SLC27A3: variants seen among roughly 807,000 people sequenced by gnomAD.
SLC27A3 encodes long-chain fatty acid transport protein 3.
A neutral mutation model predicts 60.1 loss-of-function variants in SLC27A3; 60 were observed. The ratio of observed to expected loss-of-function variants is 1.00; its 90% CI spans 0.81 to 1.24. The LOEUF (loss-of-function observed/expected upper bound fraction) is 1.24. SLC27A3 is among the 50% of genes most tolerant of loss of function. The pLI is 0.00. For missense variants in SLC27A3, 1,079 were observed against 929.9 expected (o/e 1.16, Z -2.09); for synonymous variants, 455 against 409.0 (o/e 1.11, Z -1.36).
chr1:153,775,681 G>A lies in SLC27A3; in HGVS notation c.184G>A (p.Glu62Lys). The change falls in exon 1 of 10, where the codon GAG (glutamate) becomes AAG (lysine). Residue 62 changes from glutamate (E) to lysine (K), a missense_variant. Transcript: ENST00000624995. The part of the protein sequence containing the change: ...AAAAADPEGP[E>K]GGCSLAWRLA... ...GGCTGCCGCCGACCCGGAAGGTCCC[G>A]AGGGGGGCTGCAGCCTGGCCTGGCG... 7 of 1,534,890 alleles carry A rather than the reference G, an allele frequency of 4.6e-6. No individual in the cohort carries two copies. Among genetic ancestry groups the A allele is most frequent in the African/African-American group, 4.1e-5 (3 of 73,242 alleles).
In SLC27A3 at chr1:153,775,847, CCGACGGCGG is replaced by C; in HGVS notation, c.355_363del (p.Gly119_Asp121del). ...CGTGCGCTAGGCTGGGACTGGGGAC[CCGACGGCGG>C]CGACAGCGGCGAGGGGAGCGCTGGA... On this transcript the variant is annotated inframe_deletion, in exon 1 of 10. Transcript: ENST00000624995. 1 of 1,491,982 alleles carries C rather than the reference CCGACGGCGG, an allele frequency of 6.7e-7. No homozygotes were observed. Among genetic ancestry groups the C allele is most frequent in the Non-Finnish European group, 8.9e-7 (1 of 1,125,426 alleles). The allele number at this position is 1,491,982 out of a possible 1,614,324, so 92.4% of individuals were successfully genotyped here. A position where few individuals can be genotyped will look rare whatever the true frequency, so the allele number is the denominator to read the frequency against.
rs748543429 is a variant in SLC27A3 at position 153,778,701 on chromosome 1, C to T, written c.1462C>T (p.Leu488=). The change falls in exon 7 of 10, where the codon CTG becomes TTG. Residue 488 remains leucine, a synonymous_variant. Transcript: ENST00000624995. The part of the protein sequence containing the change: ...MATSPGEPGL[L]VAPVSQQSPF... Reference sequence around the variant, plus strand: ...GACTCTGCCAGGTGAGCCAGGGCTGCTGGTGGCCCCGGTAAGCCAGCAGTC... The same window carrying T: ...GACTCTGCCAGGTGAGCCAGGGCTGTTGGTGGCCCCGGTAAGCCAGCAGTC... 5 of 1,612,810 alleles carry T rather than the reference C, an allele frequency of 3.1e-6. No individual in the cohort carries two copies. The highest frequency in any genetic ancestry group is 3.4e-6 in the Non-Finnish European group (4 of 1,179,944).
chr1:153,779,780 G>A, intron 9 of SLC27A3, 46 bp from the exon 10 acceptor site: 2 of 1,576,530 alleles, frequency 1.3e-6, no homozygotes, highest in South Asian at 1.1e-5. Context: ...TGAACCACGT[G>A]GGCAGAGTCC....
In SLC27A3 at chr1:153,777,744, C is replaced by G. The variant is rs200175316; in HGVS notation, c.1037-17C>G. The G allele has an allele frequency of 2.4e-5, 39 of 1,611,052 alleles. No homozygotes were observed. The highest frequency in any genetic ancestry group is 3.3e-5 in the Non-Finnish European group (39 of 1,178,422). Reference sequence around the variant, plus strand: ...CTAATCTTACCTCCCTTCTTCCCCCCTGCCCACTTCTGGCAGGGGCCACAG... The same window carrying G: ...CTAATCTTACCTCCCTTCTTCCCCCGTGCCCACTTCTGGCAGGGGCCACAG... On this transcript the variant is annotated splice_polypyrimidine_tract_variant and intron_variant, in intron 3 of 9. Transcript: ENST00000624995.
At position 153,775,766 on chromosome 1, in the gene SLC27A3, G is replaced by A. The variant is rs139923577; in HGVS notation, c.269G>A (p.Arg90His). 7.4e-4 allele frequency: 1,110 copies of A among 1,506,048 alleles called. 5 individuals are homozygous for A. The African/African-American group carries it at 0.013, about 17-fold the overall frequency. 93.3% of individuals were successfully genotyped at this position (1,506,048 alleles called of 1,614,324 possible). The change falls in exon 1 of 10, where the codon CGC becomes CAC. Residue 90 changes from arginine (R) to histidine (H), a missense_variant. Coordinates refer to ENST00000624995, the MANE Select transcript of SLC27A3 (RefSeq NM_024330.4). ...AHTFLIHGSRRFSYSEAERES... is the reference protein window; with the variant it reads ...AHTFLIHGSRHFSYSEAERES... ...ACCTTTCTCATTCACGGCTCGCGGC[G>A]CTTTAGCTACTCAGAGGCGGAGCGC...
At position 153,777,362 on chromosome 1, in the gene SLC27A3, G is replaced by A. The variant is rs1673284203; in HGVS notation, c.1036+142G>A. 10 of 1,021,310 alleles carry A rather than the reference G, an allele frequency of 9.8e-6. No individual in the cohort carries two copies. In the South Asian group the frequency reaches 1.5e-4, roughly 16 times the overall value. The allele number at this position is 1,021,310 out of a possible 1,614,324, so 63.3% of individuals were successfully genotyped here. A position where few individuals can be genotyped will look rare whatever the true frequency, so the allele number is the denominator to read the frequency against. On this transcript the variant is annotated intron_variant, in intron 3 of 9. Coordinates refer to ENST00000624995, the MANE Select transcript of SLC27A3 (RefSeq NM_024330.4). The stretch of plus-strand genomic sequence containing the variant: ...CTCACCAGGAGCTCTGTACAATAGG[G>A]CAATGTCACCTGCCTAGACCTACAG...
rs1178060728 is a variant in SLC27A3, at chr1:153,778,236, G to T, written c.1237G>T (p.Val413Leu). The change falls in exon 5 of 10, where the codon GTG becomes TTG. Residue 413 changes from valine (V) to leucine (L), a missense_variant. Val to Leu is a conservative substitution (Grantham distance 32). Coordinates refer to ENST00000624995, the MANE Select transcript of SLC27A3 (RefSeq NM_024330.4). ...GCGCCCAGATACCTGGGAGCGTTTTGTGCGGCGCTTCGGGCCCCTGCAGGT... is the reference window on the plus strand; with the variant it reads ...GCGCCCAGATACCTGGGAGCGTTTTTTGCGGCGCTTCGGGCCCCTGCAGGT... ...GLRPDTWERFVRRFGPLQVLE... is the reference protein window; with the variant it reads ...GLRPDTWERFLRRFGPLQVLE... The T allele has an allele frequency of 6.2e-7, 1 of 1,613,964 alleles. No homozygotes were observed. The highest frequency in any genetic ancestry group is 8.5e-7 in the Non-Finnish European group (1 of 1,180,046).
chr1:153,775,519 C>A lies in SLC27A3; in HGVS notation c.22C>A (p.Pro8Thr). The A allele has an allele frequency of 1.9e-6, 3 of 1,611,916 alleles. No individual in the cohort carries two copies. In the South Asian group the frequency reaches 3.3e-5, roughly 18 times the overall value. The change falls in exon 1 of 10, where the codon CCC becomes ACC. Residue 8 changes from proline (P) to threonine (T), a missense_variant. By Grantham distance (38) the Pro-to-Thr change is conservative. Coordinates refer to ENST00000624995, the MANE Select transcript of SLC27A3 (RefSeq NM_024330.4). Reference sequence around the variant, plus strand: ...CTCCATGGCTGCCCTCCTGCTGCTGCCCCTGCTGCTGTTGCTACCGCTGCT... The same window carrying A: ...CTCCATGGCTGCCCTCCTGCTGCTGACCCTGCTGCTGTTGCTACCGCTGCT... MAALLLL[P>T]LLLLLPLLLL...
chr1:153,775,833 C>G lies in SLC27A3; in HGVS notation c.336C>G (p.Gly112=). 1 of 1,497,760 alleles carries G rather than the reference C, an allele frequency of 6.7e-7. No individual in the cohort carries two copies. Among genetic ancestry groups the G allele is most frequent in the South Asian group, 1.3e-5 (1 of 75,366 alleles). 92.8% of individuals were successfully genotyped at this position (1,497,760 alleles called of 1,614,324 possible). A position where few individuals can be genotyped will look rare whatever the true frequency, so the allele number is the denominator to read the frequency against. ...CACGCGCCTTCCTACGTGCGCTAGGCTGGGACTGGGGACCCGACGGCGGCG... is the reference window on the plus strand; with the variant it reads ...CACGCGCCTTCCTACGTGCGCTAGGGTGGGACTGGGGACCCGACGGCGGCG... The part of the protein sequence containing the change: ...RAARAFLRAL[G]WDWGPDGGDS... Residue 112 remains glycine, a synonymous_variant, in exon 1 of 10, where the codon GGC becomes GGG. Transcript: ENST00000624995.
intron 9 of SLC27A3, 167 bp downstream of exon 9, chr1:153,779,640 C>T: frequency 1.1e-6 from 1 of 928,118 alleles, no homozygotes; most frequent in Non-Finnish European, 1.6e-6. Flanking sequence ...GCTCTTCACC[C>T]CACTTCTTTC....
chr1:153,776,796 C>A (rs1673254004), intron 2 of SLC27A3, 69 bp downstream of exon 2: 5 of 1,470,886 alleles, frequency 3.4e-6, no homozygotes. Flanking sequence ...TGCTCCCAGA[C>A]CACTCCTTCA....
Position 153,778,305 on chromosome 1 carries a change from A to G in SLC27A3, c.1306A>G (p.Asn436Asp). Reference protein sequence around the residue: ...GLTEGNVATINYTGQRGAVGR... With the variant: ...GLTEGNVATIDYTGQRGAVGR... ...GACAGAGGGCAACGTGGCCACCATC[A>G]ACTACACAGGACAGCGGGGCGCTGT... Residue 436 changes from asparagine to aspartate, a missense_variant, in exon 5 of 10, where the codon AAC (asparagine) becomes GAC (aspartate). Transcript: ENST00000624995. The G allele has an allele frequency of 6.2e-7, 1 of 1,614,156 alleles. No individual in the cohort carries two copies. Among genetic ancestry groups the G allele is most frequent in the Non-Finnish European group, 8.5e-7 (1 of 1,180,034 alleles).
At chr1:153,776,888 C>G (rs1019073730) in intron 2 of SLC27A3, among the ~76,000 whole-genome samples, 161 bp downstream of exon 2, 1 of 152,204 alleles carries the variant, frequency 6.6e-6, no homozygotes, top group African/African-American at 2.4e-5. Context: ...TCACCTCCTA[C>G]TCATTTCTCC....
chr1:153,779,267 A>G, intron 8 of SLC27A3, 56 bp downstream of exon 8: 1 of 1,613,744 alleles, frequency 6.2e-7, no homozygotes, highest in Admixed American at 1.7e-5. Flanking sequence ...AATTGGTAGT[A>G]CTTGGGCGCA....
Position 153,778,538 on chromosome 1 carries a change from A to G in SLC27A3, c.1432A>G (p.Met478Val), listed in dbSNP as rs1673359710. ...AATTCGGGACCCCCAGGGGCACTGT[A>G]TGGCCACATCTCCAGGTTGGTGGTG... ...EPIRDPQGHC[M>V]ATSPGEPGLL... The change falls in exon 6 of 10, where the codon ATG becomes GTG. Residue 478 changes from methionine to valine, a missense_variant. Coordinates refer to ENST00000624995, the MANE Select transcript of SLC27A3 (RefSeq NM_024330.4). 1 of 1,614,110 alleles carries G rather than the reference A, an allele frequency of 6.2e-7. No individual in the cohort carries two copies. The highest frequency in any genetic ancestry group is 8.5e-7 in the Non-Finnish European group (1 of 1,179,982).
chr1:153,778,406 A>G (rs748814535), intron 5 of SLC27A3, 51 bp downstream of exon 5: 1 of 1,613,562 alleles, frequency 6.2e-7, no homozygotes, highest in South Asian at 1.1e-5. Context: ...GAGGGCTGGC[A>G]GGAGAGGGGG....
intron 2 of SLC27A3, 88 bp downstream of exon 2, chr1:153,776,815 AGAG>A: frequency 7.7e-7 from 1 of 1,290,948 alleles, no homozygotes; most frequent in Admixed American, 2.0e-5. Flanking sequence ...CAAAGCCCCC[AGAG>A]AGGATGCTGA....
At position 153,779,931 on chromosome 1, in the gene SLC27A3, G is replaced by A; in HGVS notation, c.1981G>A (p.Ala661Thr). Residue 661 changes from alanine to threonine, a missense_variant, in exon 10 of 10, where the codon GCT becomes ACT. Coordinates refer to ENST00000624995, the MANE Select transcript of SLC27A3 (RefSeq NM_024330.4). The part of the protein sequence containing the change: ...LSDPLYVLDQ[A>T]VGAYLPLTTA... The stretch of plus-strand genomic sequence containing the variant: ...TGACCCACTGTACGTTCTGGACCAG[G>A]CTGTAGGTGCCTACCTGCCCCTCAC... The A allele has an allele frequency of 6.2e-7, 1 of 1,614,132 alleles. No individual in the cohort carries two copies. Among genetic ancestry groups the A allele is most frequent in the Non-Finnish European group, 8.5e-7 (1 of 1,180,028 alleles).
Position 153,779,323 on chromosome 1 carries a change from CTG to C in SLC27A3, c.1745-18_1745-17del, listed in dbSNP as rs141529824. 0.039 allele frequency: 62,635 copies of C among 1,613,736 alleles called. 1,370 individuals are homozygous for C. Among genetic ancestry groups the C allele is most frequent in the Non-Finnish European group, 0.047 (55,508 of 1,179,742 alleles). On this transcript the variant is annotated intron_variant, in intron 8 of 9. Coordinates refer to ENST00000624995, the MANE Select transcript of SLC27A3 (RefSeq NM_024330.4). ...GTGGTCAGCCATGGAGGGGCTTACTCTGTCTCCCACACCCACCAGGGCATGAA... is the reference window on the plus strand; with the variant it reads ...GTGGTCAGCCATGGAGGGGCTTACTCTCTCCCACACCCACCAGGGCATGAA...
Sources: gnomAD v4.1 joint callset for allele counts (sites outside exome capture counted in the v4.1 genomes callset) on GRCh38, gnomAD v4.1.1 for gene constraint, MANE v1.5 for transcripts, NCBI Gene and HGNC (gene_info 2026-07-23, HGNC 2026-07-21) for gene names.